Variants in NR2F1-AS1 observed in about 807,000 individuals in gnomAD.
NR2F1-AS1 encodes the protein NR2F1 regulatory antisense RNA 1.
intron 4 of NR2F1-AS1, among the ~76,000 whole-genome samples, chr5:93,442,312 G>A (rs184906309): frequency 2.2e-3 from 338 of 152,262 alleles, no homozygotes; most frequent in African/African-American, 7.8e-3. Flanking sequence ...CATGACAGAC[G>A]GTACCTGGAA....
chr5:93,546,171 A>G (rs1284992158), intron 4 of NR2F1-AS1, among the ~76,000 whole-genome samples: 2 of 152,190 alleles, frequency 1.3e-5, no homozygotes, highest in African/African-American at 4.8e-5. Context: ...TATCTAGCAT[A>G]TAAGAAGTCT....
intron 4 of NR2F1-AS1, among the ~76,000 whole-genome samples, chr5:93,459,726 C>T (rs955256253): frequency 6.6e-6 from 1 of 152,086 alleles, no homozygotes; most frequent in Non-Finnish European, 1.5e-5. Context: ...CTCATACTGT[C>T]TCAGAAAAGG....
intron 4 of NR2F1-AS1, among the ~76,000 whole-genome samples, chr5:93,443,306 G>A (rs888697531): frequency 3.9e-5 from 6 of 152,154 alleles, no homozygotes; most frequent in African/African-American, 1.2e-4. Context: ...CTTGAAAAAC[G>A]ATTAGACAAA....
chr5:93,547,312 C>T (rs1359950875), intron 4 of NR2F1-AS1, among the ~76,000 whole-genome samples: 2 of 152,122 alleles, frequency 1.3e-5, no homozygotes, highest in African/African-American at 4.8e-5. Context: ...TATTACATGT[C>T]GCTGTAGACC....
chr5:93,546,972 A>T (rs1752101817), intron 4 of NR2F1-AS1, among the ~76,000 whole-genome samples: 1 of 152,192 alleles, frequency 6.6e-6, no homozygotes. Context: ...TGAAGGCCTT[A>T]AGAGCAAAAA....
intron 4 of NR2F1-AS1, among the ~76,000 whole-genome samples, chr5:93,524,774 G>A (rs1751575826): frequency 6.6e-6 from 1 of 152,106 alleles, no homozygotes; most frequent in Admixed American, 6.5e-5. Context: ...ATAAGCGAGG[G>A]AGAAATAAAA....
intron 4 of NR2F1-AS1, among the ~76,000 whole-genome samples, chr5:93,449,431 C>CA (rs1250211515): frequency 6.6e-6 from 1 of 152,018 alleles, no homozygotes; most frequent in Non-Finnish European, 1.5e-5. Context: ...TCCTTTACTC[C>CA]AAAAACCCAA....
At chr5:93,454,152 G>GT (rs900867956) in intron 4 of NR2F1-AS1, among the ~76,000 whole-genome samples, 228 of 152,172 alleles carry the variant, frequency 1.5e-3, no homozygotes, top group African/African-American at 4.8e-3. Context: ...ATTGTGGCAT[G>GT]TGACTGTAGT....
At chr5:93,581,723 TCTCTCTCTCTCCCC>T (rs1753051688), upstream of NR2F1-AS1, among the ~76,000 whole-genome samples, 5 of 56,054 alleles carry the variant, frequency 8.9e-5, no homozygotes, top group African/African-American at 4.3e-4. Context: ...TCTCTCTCTC[TCTCTCTCTCTCCCC>T]CTCTCCCTCT....
intron 4 of NR2F1-AS1, among the ~76,000 whole-genome samples, chr5:93,436,494 A>C (rs539579031): frequency 1.3e-5 from 2 of 152,160 alleles, no homozygotes; most frequent in African/African-American, 4.8e-5. Context: ...AAGTTTCTCA[A>C]ATGACTTACC....
At chr5:93,583,743 AAG>A (rs1753171671), upstream of NR2F1-AS1, 1 of 152,164 alleles carries the variant, frequency 6.6e-6, no homozygotes, top group African/African-American at 2.4e-5. Flanking sequence ...AGGAGCAAGA[AAG>A]AGGAAAAGAA....
intron 4 of NR2F1-AS1, among the ~76,000 whole-genome samples, chr5:93,538,205 G>T (rs1751877152): frequency 6.6e-6 from 1 of 152,156 alleles, no homozygotes; most frequent in Non-Finnish European, 1.5e-5. Context: ...GGGCACAGTG[G>T]CTCACACCTA....
chr5:93,539,764 C>T (rs928151394), intron 4 of NR2F1-AS1, among the ~76,000 whole-genome samples: 1 of 152,130 alleles, frequency 6.6e-6, no homozygotes, highest in Non-Finnish European at 1.5e-5. Flanking sequence ...AGGCCTTTGA[C>T]TGTTCTCACC....
chr5:93,495,219 G>A (rs1750934721), intron 4 of NR2F1-AS1, among the ~76,000 whole-genome samples: 1 of 152,094 alleles, frequency 6.6e-6, no homozygotes, highest in Non-Finnish European at 1.5e-5. Flanking sequence ...ACATGTGGCT[G>A]TTCTTTTCCG....
intron 4 of NR2F1-AS1, among the ~76,000 whole-genome samples, chr5:93,490,524 T>C (rs1208978975): frequency 6.8e-6 from 1 of 148,070 alleles, no homozygotes; most frequent in African/African-American, 2.5e-5. Flanking sequence ...TTGATGGTCA[T>C]TGTGGTTATG....
chr5:93,466,873 CTTCTT>C (rs1162250992), intron 4 of NR2F1-AS1, among the ~76,000 whole-genome samples: 4 of 122,458 alleles, frequency 3.3e-5, no homozygotes, highest in African/African-American at 1.2e-4. Flanking sequence ...ATTAAAGTTT[CTTCTT>C]TTCCTTCTCC....
intron 4 of NR2F1-AS1, among the ~76,000 whole-genome samples, chr5:93,480,676 A>G (rs1750581637): frequency 6.6e-6 from 1 of 152,122 alleles, no homozygotes; most frequent in Non-Finnish European, 1.5e-5. Context: ...GCATAAAACA[A>G]TAATTATAAA....
chr5:93,528,185 G>T (rs890861765), intron 4 of NR2F1-AS1, among the ~76,000 whole-genome samples: 1 of 152,114 alleles, frequency 6.6e-6, no homozygotes, highest in African/African-American at 2.4e-5. Flanking sequence ...TAAAAAGTGG[G>T]CAAACGATAT....
intron 4 of NR2F1-AS1, among the ~76,000 whole-genome samples, chr5:93,413,147 C>CTGATT (rs1748895131): frequency 6.7e-6 from 1 of 148,714 alleles, no homozygotes; most frequent in Non-Finnish European, 1.5e-5. Flanking sequence ...TAAAAACTTA[C>CTGATT]TGATTTTTCT....
Sources: gnomAD v4.1 joint callset for allele counts (sites outside exome capture counted in the v4.1 genomes callset) on GRCh38, gnomAD v4.1.1 for gene constraint, MANE v1.5 for transcripts, NCBI Gene and HGNC (gene_info 2026-07-23, HGNC 2026-07-21) for gene names.